IKZF4: variants seen among roughly 807,000 people sequenced by gnomAD.
IKZF4 encodes IKAROS family zinc finger 4.
IKZF4 carries 11 observed loss-of-function variants against 47.7 expected under a neutral mutation model. That is an observed-to-expected ratio of 0.23 (90% confidence interval 0.15 to 0.38). The LOEUF is 0.38. IKZF4 is among the 10% of genes least tolerant of loss of function. The probability of loss-of-function intolerance (pLI) is 1.00; values close to 1 mark genes in which losing one functional copy is unlikely to be tolerated. For missense variants in IKZF4, 557 were observed against 784.9 expected (o/e 0.71, Z 3.47); for synonymous variants, 298 against 299.4 (o/e 1.00, Z 0.05).
upstream of IKZF4, chr12:56,020,972 G>C (rs1359920773): frequency 3.9e-6 from 4 of 1,030,712 alleles, no homozygotes; most frequent in Non-Finnish European, 4.7e-6. Flanking sequence ...AGAGGATTGG[G>C]CCTTCCCTAG....
intron 5 of IKZF4, among the ~76,000 whole-genome samples, chr12:56,030,965 T>C (rs1410758263): frequency 1.3e-5 from 2 of 151,892 alleles, no homozygotes; most frequent in Non-Finnish European, 1.5e-5. Flanking sequence ...AAAGAAATGA[T>C]AAATGTTTGC....
intron 2 of IKZF4, among the ~76,000 whole-genome samples, chr12:56,016,008 C>G (rs906241305): frequency 3.9e-5 from 6 of 152,162 alleles, no homozygotes; most frequent in Middle Eastern, 3.4e-3. Flanking sequence ...ATTTTTTTCT[C>G]CATGCCCTGG....
Position 56,037,986 on chromosome 12 carries a change from T to G in IKZF4, c.*2655T>G, listed in dbSNP as rs181636508. On this transcript the variant is annotated 3_prime_UTR_variant, in exon 8 of 8. Coordinates refer to ENST00000547167, the MANE Select transcript of IKZF4 (RefSeq NM_022465.4). Reference sequence around the variant, plus strand: ...ACACTTTTCCAGACCTTTGTTTTTTTGTGTCAGTGTCCAAGCTGCAGATAG... The same window carrying G: ...ACACTTTTCCAGACCTTTGTTTTTTGGTGTCAGTGTCCAAGCTGCAGATAG... The G allele has an allele frequency of 1.6e-3, 245 of 151,814 alleles. 1 individual carries two copies. Among genetic ancestry groups the G allele is most frequent in the African/African-American group, 5.6e-3 (231 of 41,490 alleles). 9.4% of individuals were successfully genotyped at this position (151,814 alleles called of 1,614,324 possible). A position where few individuals can be genotyped will look rare whatever the true frequency, so the allele number is the denominator to read the frequency against.
intron 7 of IKZF4, 120 bp from the exon 8 acceptor site, chr12:56,034,451 A>C (rs1429849323): frequency 2.9e-6 from 3 of 1,045,140 alleles, no homozygotes; most frequent in Non-Finnish European, 4.2e-6. Context: ...CTGCGAAAGT[A>C]AATGCCACGT....
chr12:56,034,696 T>G lies in IKZF4; in HGVS notation c.1123T>G (p.Phe375Val). The change falls in exon 8 of 8, where the codon TTT (phenylalanine) becomes GTT (valine). Residue 375 changes from phenylalanine (F) to valine (V), a missense_variant. Physicochemically the swap from Phe to Val is conservative, Grantham distance 50 (BLOSUM62 -1). Around this residue, in one of 6 missense-constraint regions of IKZF4, gnomAD observed 280 missense variants for 314.0 expected, o/e 0.89. Transcript: ENST00000547167. Reference sequence around the variant, plus strand: ...GCCTGGCTTTGGAAGTTCCCTGGCCTTTGTGGGTGCAGAGCATCTGCGTCC... The same window carrying G: ...GCCTGGCTTTGGAAGTTCCCTGGCCGTTGTGGGTGCAGAGCATCTGCGTCC... ...LEPGFGSSLAFVGAEHLRPLR... is the reference protein window; with the variant it reads ...LEPGFGSSLAVVGAEHLRPLR... 1.2e-6 allele frequency: 2 copies of G among 1,614,008 alleles called. No individual in the cohort carries two copies. Among genetic ancestry groups the G allele is most frequent in the Non-Finnish European group, 1.7e-6 (2 of 1,179,894 alleles).
In IKZF4 at chr12:56,014,767, G is replaced by A. The variant is rs1250398459; in HGVS notation, c.-214+3273G>A. On this transcript the variant is annotated intron_variant, in intron 2 of 11. Transcript: ENST00000262032. ...TGCACTCCAGCCTGGGCAACACAGC[G>A]AGACTCCGTCTCAAAAAAAAAAACA... 2.0e-5 allele frequency among the ~76,000 whole-genome samples: 3 copies of A among 151,868 alleles called. No individual in the cohort carries two copies. In the East Asian group the frequency reaches 5.8e-4, roughly 29 times the overall value.
chr12:56,017,039 AG>A (rs1372329290), upstream of IKZF4, among the ~76,000 whole-genome samples: 2 of 151,924 alleles, frequency 1.3e-5, no homozygotes, highest in African/African-American at 4.8e-5. Flanking sequence ...GCAATTTTGG[AG>A]GTATGTAAAT....
chr12:56,023,099 G>A (rs568327134), intron 1 of IKZF4, among the ~76,000 whole-genome samples: 16 of 152,078 alleles, frequency 1.1e-4, no homozygotes, highest in African/African-American at 2.9e-4. Flanking sequence ...GCGCCCGGCC[G>A]CCCTCAGTGT....
intron 5 of IKZF4, chr12:56,029,890 TG>T (rs1481749677): frequency 6.6e-6 from 1 of 152,212 alleles, no homozygotes; most frequent in Non-Finnish European, 1.5e-5. Flanking sequence ...CTCCCCCTGC[TG>T]GTTTGGAACA....
At position 56,033,199 on chromosome 12, in the gene IKZF4, T is replaced by C; in HGVS notation, c.875T>C (p.Ile292Thr). The C allele has an allele frequency of 1.2e-6, 2 of 1,613,918 alleles. No individual in the cohort carries two copies. The highest frequency in any genetic ancestry group is 1.7e-6 in the Non-Finnish European group (2 of 1,179,846). ...ACCTTCTTCCCACTAGGTGACGAAATACGTGACCTGGAGATGGTGCCAGAC... is the reference window on the plus strand; with the variant it reads ...ACCTTCTTCCCACTAGGTGACGAAACACGTGACCTGGAGATGGTGCCAGAC... ...QALAGQPGDE[I>T]RDLEMVPDSM... is the part of the protein sequence containing the mutation. The change falls in exon 7 of 8, where the codon ATA (isoleucine) becomes ACA (threonine). Residue 292 changes from isoleucine (I) to threonine (T), a missense_variant. By Grantham distance (89) the Ile-to-Thr change is moderately conservative (BLOSUM62 -1). This residue lies in a region of IKZF4 where 72 missense variants were observed against 112.4 expected (regional missense o/e 0.64). Transcript: ENST00000547167.
At chr12:56,008,572 G>A (rs1177434373) in intron 1 of IKZF4, among the ~76,000 whole-genome samples, 2 of 152,022 alleles carry the variant, frequency 1.3e-5, no homozygotes, top group Non-Finnish European at 2.9e-5. Context: ...TGGGAACAGT[G>A]GAGTGTTTAA....
At chr12:56,026,123 A>T (rs1893941709) in intron 3 of IKZF4, among the ~76,000 whole-genome samples, 1 of 152,032 alleles carries the variant, frequency 6.6e-6, no homozygotes, top group Non-Finnish European at 1.5e-5. Flanking sequence ...TTTAGTAAAG[A>T]CAGGGTTTCA....
chr12:56,021,266 C>T lies in IKZF4; in HGVS notation c.-228C>T. 2.8e-6 allele frequency: 4 copies of T among 1,437,254 alleles called. No homozygotes were observed. Among genetic ancestry groups the T allele is most frequent in the African/African-American group, 3.1e-5 (2 of 64,014 alleles). The allele number at this position is 1,437,254 out of a possible 1,614,324, so 89.0% of individuals were successfully genotyped here. A position where few individuals can be genotyped will look rare whatever the true frequency, so the allele number is the denominator to read the frequency against. On this transcript the variant is annotated 5_prime_UTR_variant, in exon 1 of 8. Transcript: ENST00000547167. ...ACATCCAAGCGTGCTCTCCCCTCTC[C>T]TTCTCTCCCTCTCTCTCTCTCTCTC... is the stretch of plus-strand genomic sequence containing the variant.
intron 4 of IKZF4, 47 bp from the exon 5 acceptor site, chr12:56,027,733 A>G (rs1333211007): frequency 2.3e-5 from 36 of 1,589,524 alleles, no homozygotes; most frequent in Non-Finnish European, 2.8e-5. Context: ...TTCAACCTTC[A>G]AAGTTCCTCA....
At position 56,027,931 on chromosome 12, in the gene IKZF4, C is replaced by T. The variant is rs2136675683; in HGVS notation, c.699C>T (p.His233=). 1 of 1,571,240 alleles carries T rather than the reference C, an allele frequency of 6.4e-7. No individual in the cohort carries two copies. Among genetic ancestry groups the T allele is most frequent in the East Asian group, 2.2e-5 (1 of 44,678 alleles). Residue 233 remains histidine, a synonymous_variant, in exon 5 of 8, where the codon CAC becomes CAT. Coordinates refer to ENST00000547167, the MANE Select transcript of IKZF4 (RefSeq NM_022465.4). ...GCCGGCGTGATGCACTCACTGGTCA[C>T]CTCCGCACACACTCAGGTCAGTGTC... ...ACRRRDALTG[H]LRTHSVSSPT...
chr12:56,021,782 G>A (rs868471342), intron 1 of IKZF4: 2 of 786,300 alleles, frequency 2.5e-6, no homozygotes, highest in South Asian at 3.7e-5. Flanking sequence ...GGGAAAGGGT[G>A]TTTGGTGTTG....
chr12:56,035,709 G>GAGA lies in IKZF4; in HGVS notation c.*378_*379insAGA. ...CAATTTTTCTCTCTTAGATCTTCCA[G>GAGA]CAGCCCCAGGGGTAGGAAGCTCCTC... On this transcript the variant is annotated 3_prime_UTR_variant, in exon 8 of 8. Transcript: ENST00000547167. This position sits in a 1 kb window ranked among gnomAD's most constrained non-coding sequence, Gnocchi z 6.1. 2 of 176,090 alleles carry GAGA rather than the reference G, an allele frequency of 1.1e-5. No individual in the cohort carries two copies. The highest frequency in any genetic ancestry group is 1.4e-4 in the South Asian group (1 of 7,184). The allele number at this position is 176,090 out of a possible 1,614,324, so 10.9% of individuals were successfully genotyped here.
intron 5 of IKZF4, among the ~76,000 whole-genome samples, chr12:56,030,309 AG>A (rs1250571738): frequency 1.3e-5 from 2 of 152,086 alleles, no homozygotes; most frequent in Non-Finnish European, 2.9e-5. Flanking sequence ...ACACACCTGT[AG>A]TCCCAGCTAC....
At position 56,028,180 on chromosome 12, in the gene IKZF4, A is replaced by C. The variant is rs1894327834; in HGVS notation, c.715+233A>C. Among the ~76,000 whole-genome samples, 3 of 152,100 alleles carry C rather than the reference A, an allele frequency of 2.0e-5. No homozygotes were observed. In the South Asian group the frequency reaches 6.2e-4, roughly 32 times the overall value. On this transcript the variant is annotated intron_variant, in intron 5 of 7. Coordinates refer to ENST00000547167, the MANE Select transcript of IKZF4 (RefSeq NM_022465.4). The stretch of plus-strand genomic sequence containing the variant: ...TATTTTACATCCACCATATGGATGT[A>C]AAATCCATCTACTTGGAGCAAAAGG...
Sources: gnomAD v4.1 joint callset for allele counts (sites outside exome capture counted in the v4.1 genomes callset) on GRCh38, gnomAD v4.1.1 for gene constraint, gnomAD v4.1.1 regional missense constraint, Gnocchi (gnomAD v3.1) non-coding constraint, MANE v1.5 for transcripts, NCBI Gene and HGNC (gene_info 2026-07-23, HGNC 2026-07-21) for gene names.